Variants in CD226 observed in about 807,000 individuals in gnomAD.
CD226 encodes CD226 molecule.
In CD226, 24 loss-of-function variants were observed where a neutral mutation model predicts 34.9. That is an observed-to-expected ratio of 0.69 (90% CI 0.50 to 0.97). CD226 has a LOEUF of 0.97. CD226 is among the 50% of genes least tolerant of loss of function. CD226 has a pLI of 0.00. For missense variants in CD226, 397 were observed against 412.7 expected (o/e 0.96, Z 0.33); for synonymous variants, 148 against 147.4 (o/e 1.00, Z -0.03).
At chr18:69,935,143 C>T (rs913366463) in intron 2 of CD226, among the ~76,000 whole-genome samples, 1 of 152,226 alleles carries the variant, frequency 6.6e-6, no homozygotes, top group East Asian at 1.9e-4. Context: ...GCTTTACCAG[C>T]TAAGAGCTTT....
intron 2 of CD226, among the ~76,000 whole-genome samples, chr18:69,941,268 A>G: frequency 6.6e-6 from 1 of 152,208 alleles, no homozygotes; most frequent in South Asian, 2.1e-4. Context: ...CCACTGGGGC[A>G]CTGTCTAGTA....
intron 3 of CD226, among the ~76,000 whole-genome samples, chr18:69,886,861 G>T (rs1369277850): frequency 1.3e-5 from 2 of 152,092 alleles, no homozygotes; most frequent in Non-Finnish European, 2.9e-5. Flanking sequence ...GCAAGCCTTA[G>T]GCTGAATACC....
chr18:69,960,834 T>A (rs1307850515), upstream of CD226, among the ~76,000 whole-genome samples: 1 of 152,210 alleles, frequency 6.6e-6, no homozygotes, highest in African/African-American at 2.4e-5. Context: ...AGAAAATTTA[T>A]GAGAAACTAA....
chr18:69,959,929 A>G (rs1237836401), upstream of CD226, among the ~76,000 whole-genome samples: 1 of 152,310 alleles, frequency 6.6e-6, no homozygotes. Flanking sequence ...CCAAGCCTCT[A>G]GAAGTAACCA....
At chr18:69,865,787 T>C (rs950848781) in intron 5 of CD226, among the ~76,000 whole-genome samples, 3 of 152,246 alleles carry the variant, frequency 2.0e-5, no homozygotes, top group Non-Finnish European at 2.9e-5. Flanking sequence ...ACATGTTGGA[T>C]TGTCAGAACC....
intron 4 of CD226, among the ~76,000 whole-genome samples, chr18:69,872,090 G>GT (rs57236296): frequency 0.093 from 13,965 of 149,418 alleles, 734 homozygotes; most frequent in Non-Finnish European, 0.12. Flanking sequence ...GTGTGTGTGT[G>GT]GTGCATTTGG....
chr18:69,882,577 T>C (rs1408709390), intron 3 of CD226, among the ~76,000 whole-genome samples: 1 of 152,224 alleles, frequency 6.6e-6, no homozygotes, highest in Non-Finnish European at 1.5e-5. Context: ...AGATATCTCA[T>C]ATTTTTACCC....
chr18:69,928,211 T>C (rs1222763016), intron 2 of CD226, among the ~76,000 whole-genome samples: 3 of 152,222 alleles, frequency 2.0e-5, no homozygotes, highest in Admixed American at 2.0e-4. Context: ...CTATTCTACT[T>C]AATTACATAT....
intron 2 of CD226, among the ~76,000 whole-genome samples, chr18:69,898,804 G>GA (rs1389031704): frequency 4.6e-5 from 7 of 152,152 alleles, no homozygotes; most frequent in Admixed American, 4.6e-4. Context: ...AAGCTCAGTG[G>GA]AAGGCAGCTC....
chr18:69,959,747 A>G (rs1039567766), upstream of CD226, among the ~76,000 whole-genome samples: 1 of 152,142 alleles, frequency 6.6e-6, no homozygotes, highest in Non-Finnish European at 1.5e-5. Flanking sequence ...TTAATGGGGA[A>G]CCCTATGATG....
At chr18:69,959,323 A>G (rs893012924), upstream of CD226, among the ~76,000 whole-genome samples, 1 of 152,216 alleles carries the variant, frequency 6.6e-6, no homozygotes, top group African/African-American at 2.4e-5. Context: ...GAGATCAACA[A>G]GAGCCCTCTC....
At chr18:69,926,293 G>A (rs921069815) in intron 2 of CD226, among the ~76,000 whole-genome samples, 1 of 151,700 alleles carries the variant, frequency 6.6e-6, no homozygotes, top group Non-Finnish European at 1.5e-5. Context: ...ATTTCTTCTC[G>A]GGACCTTTGC....
chr18:69,938,585 C>T (rs2145349978), intron 2 of CD226, among the ~76,000 whole-genome samples: 1 of 152,358 alleles, frequency 6.6e-6, no homozygotes, highest in Middle Eastern at 3.4e-3. Flanking sequence ...CTTAATTCCA[C>T]TCTTGCTAGC....
intron 2 of CD226, among the ~76,000 whole-genome samples, chr18:69,900,997 C>T (rs2055175271): frequency 6.7e-6 from 1 of 150,152 alleles, no homozygotes; most frequent in Non-Finnish European, 1.5e-5. Context: ...TTCCACAGTA[C>T]CACCTTGGAA....
intron 2 of CD226, among the ~76,000 whole-genome samples, chr18:69,920,554 T>TA (rs1200277534): frequency 6.6e-6 from 1 of 152,220 alleles, no homozygotes; most frequent in Non-Finnish European, 1.5e-5. Flanking sequence ...CAGTAGTACT[T>TA]ACAATTACTC....
At chr18:69,887,537 A>G (rs1390877796) in intron 3 of CD226, among the ~76,000 whole-genome samples, 1 of 152,160 alleles carries the variant, frequency 6.6e-6, no homozygotes, top group African/African-American at 2.4e-5. Flanking sequence ...TCAACTCAGC[A>G]TCTACTTTTT....
At position 69,895,790 on chromosome 18, in the gene CD226, G is replaced by C. The variant is rs144496656; in HGVS notation, c.638C>G (p.Thr213Arg). The change falls in exon 3 of 6, where the codon ACA (threonine) becomes AGA (arginine). Residue 213 changes from threonine to arginine, a missense_variant. Coordinates refer to ENST00000582621, the MANE Select transcript of CD226 (RefSeq NM_001303618.2). ...RWSVIVIPDV[T>R]VSDSGLYRCY... ...GCGGTAAAGCCCCGAGTCTGAGACTGTGACATCGGGGATGACGATGACGCT... is the reference window on the plus strand; with the variant it reads ...GCGGTAAAGCCCCGAGTCTGAGACTCTGACATCGGGGATGACGATGACGCT... 160 of 1,614,004 alleles carry C rather than the reference G, an allele frequency of 9.9e-5. 1 individual carries two copies. Among genetic ancestry groups the C allele is most frequent in the Non-Finnish European group, 7.3e-5 (86 of 1,179,996 alleles).
chr18:69,864,521 A>T (rs1983016583), intron 5 of CD226, 82 bp from the exon 6 acceptor site: 1 of 1,349,164 alleles, frequency 7.4e-7, no homozygotes, highest in South Asian at 1.3e-5. Flanking sequence ...TACCTCTCAT[A>T]AATGCAGGCA....
intron 2 of CD226, among the ~76,000 whole-genome samples, chr18:69,912,883 T>C (rs2055342730): frequency 6.6e-6 from 1 of 152,024 alleles, no homozygotes; most frequent in Non-Finnish European, 1.5e-5. Context: ...TGGGATCTGT[T>C]TCTCTCTCTC....
Sources: allele counts gnomAD v4.1 joint callset (sites outside exome capture counted in the v4.1 genomes callset), GRCh38; gene constraint gnomAD v4.1.1; transcripts MANE v1.5; gene names NCBI Gene and HGNC (gene_info 2026-07-23, HGNC 2026-07-21).